Variants in TBC1D12 observed in about 807,000 individuals in gnomAD.
TBC1D12 encodes TBC1 domain family member 12, also known as TBC1 domain family, member 12.
TBC1D12 carries 56 observed loss-of-function variants against 86.7 expected under a neutral mutation model. The observed-to-expected ratio is 0.65, with a 90% CI of 0.52 to 0.81. The LOEUF (loss-of-function observed/expected upper bound fraction) is 0.81. Among genes scored for constraint, TBC1D12 ranks in the 30% least tolerant of loss-of-function variants. TBC1D12 has a pLI of 0.00. For missense variants in TBC1D12, 1,023 were observed against 1,038.8 expected (o/e 0.98, Z 0.21); for synonymous variants, 421 against 411.7 (o/e 1.02, Z -0.27).
chr10:94,480,685 C>T lies in TBC1D12; in HGVS notation c.1211+5902C>T, dbSNP rs559918257. On this transcript the variant is annotated intron_variant, in intron 3 of 12. Transcript: ENST00000225235. ...TGGGCAACACAGCAAAACCTTGTCT[C>T]TACAAAAAAAATATATATATATGTT... is the stretch of plus-strand genomic sequence containing the variant. Among the ~76,000 whole-genome samples the T allele has an allele frequency of 5.4e-4, 82 of 150,528 alleles. No homozygotes were observed. In the Middle Eastern group the frequency reaches 0.017, roughly 32 times the overall value.
intron 5 of TBC1D12, among the ~76,000 whole-genome samples, chr10:94,498,442 G>T (rs989738753): frequency 1.3e-5 from 2 of 151,732 alleles, no homozygotes; most frequent in African/African-American, 4.8e-5. Flanking sequence ...AGGGTGATTT[G>T]TTTTTTTGTT....
chr10:94,435,403 G>A (rs953374161), intron 1 of TBC1D12, among the ~76,000 whole-genome samples: 3 of 152,164 alleles, frequency 2.0e-5, no homozygotes, highest in African/African-American at 7.2e-5. Flanking sequence ...TTTATATACA[G>A]TGGTCAATAC....
chr10:94,459,635 C>T (rs2055692846), intron 2 of TBC1D12, among the ~76,000 whole-genome samples: 1 of 152,236 alleles, frequency 6.6e-6, no homozygotes, highest in South Asian at 2.1e-4. Context: ...GGTCCTGAGC[C>T]CTGCCCCGTG....
At chr10:94,494,531 T>G (rs1274817918) in intron 4 of TBC1D12, among the ~76,000 whole-genome samples, 1 of 152,126 alleles carries the variant, frequency 6.6e-6, no homozygotes, top group Non-Finnish European at 1.5e-5. Flanking sequence ...AATTAAGTAT[T>G]TATCTATTTA....
At chr10:94,407,242 C>T (rs2054866696) in intron 1 of TBC1D12, among the ~76,000 whole-genome samples, 1 of 152,176 alleles carries the variant, frequency 6.6e-6, no homozygotes, top group African/African-American at 2.4e-5. Flanking sequence ...CTTTCCTTCC[C>T]TTCCACATGA....
intron 1 of TBC1D12, among the ~76,000 whole-genome samples, chr10:94,427,946 A>T (rs756556158): frequency 1.3e-5 from 2 of 152,214 alleles, no homozygotes; most frequent in South Asian, 4.1e-4. Context: ...ACTTGCTAAC[A>T]TGAGTACACT....
Position 94,534,859 on chromosome 10 carries a change from G to A in TBC1D12, c.*1763G>A, listed in dbSNP as rs1842514174. On this transcript the variant is annotated 3_prime_UTR_variant, in exon 13 of 13. Transcript: ENST00000225235. ...GCCTGGCTTAACTGCTGAAAATAGA[G>A]CATTGAAACTCTTCACAATGTGCTG... is the stretch of plus-strand genomic sequence containing the variant. 6.6e-6 allele frequency: 1 copy of A among 152,146 alleles called. No individual in the cohort carries two copies. Among genetic ancestry groups the A allele is most frequent in the South Asian group, 2.1e-4 (1 of 4,824 alleles). 9.4% of individuals were successfully genotyped at this position (152,146 alleles called of 1,614,324 possible).
chr10:94,505,393 A>G (rs1266597322), intron 6 of TBC1D12, among the ~76,000 whole-genome samples: 1 of 152,166 alleles, frequency 6.6e-6, no homozygotes, highest in Non-Finnish European at 1.5e-5. Context: ...AGCCTGGCCA[A>G]CATGGTGAAA....
chr10:94,429,146 A>G (rs535503340), intron 1 of TBC1D12, among the ~76,000 whole-genome samples: 3 of 151,852 alleles, frequency 2.0e-5, no homozygotes, highest in Admixed American at 6.6e-5. Context: ...AATATTATTT[A>G]TTACTTGAAA....
intron 6 of TBC1D12, among the ~76,000 whole-genome samples, chr10:94,502,733 C>G (rs1412244881): frequency 6.6e-6 from 1 of 152,122 alleles, no homozygotes; most frequent in Non-Finnish European, 1.5e-5. Context: ...CTAAATTGGT[C>G]TAAATGATAA....
chr10:94,459,507 C>T (rs2055689575), intron 2 of TBC1D12, among the ~76,000 whole-genome samples: 1 of 152,246 alleles, frequency 6.6e-6, no homozygotes, highest in African/African-American at 2.4e-5. Flanking sequence ...TTCCTCAGCC[C>T]TTGGATGGTA....
chr10:94,451,797 A>G (rs2055552929), intron 2 of TBC1D12, among the ~76,000 whole-genome samples: 1 of 152,074 alleles, frequency 6.6e-6, no homozygotes, highest in African/African-American at 2.4e-5. Flanking sequence ...TGTATGGAAG[A>G]CAGTTTGAAG....
chr10:94,404,507 G>A (rs1367099713), intron 1 of TBC1D12, among the ~76,000 whole-genome samples: 3 of 151,746 alleles, frequency 2.0e-5, no homozygotes, highest in Non-Finnish European at 4.4e-5. Context: ...TTAGCCAGGC[G>A]TGGTGGCAGG....
chr10:94,482,100 ACC>A (rs1379836497), intron 3 of TBC1D12, among the ~76,000 whole-genome samples: 3 of 152,154 alleles, frequency 2.0e-5, no homozygotes, highest in Non-Finnish European at 4.4e-5. Flanking sequence ...TTATTTTATC[ACC>A]CAGGAATTAA....
intron 3 of TBC1D12, among the ~76,000 whole-genome samples, chr10:94,483,374 C>T (rs1022526187): frequency 7.9e-5 from 12 of 152,136 alleles, no homozygotes; most frequent in African/African-American, 2.9e-4. Flanking sequence ...TTTCCATTAC[C>T]ACCAACAGTG....
intron 1 of TBC1D12, among the ~76,000 whole-genome samples, chr10:94,439,860 T>G (rs1337064753): frequency 6.6e-6 from 1 of 152,244 alleles, no homozygotes; most frequent in African/African-American, 2.4e-5. Flanking sequence ...ATAAATAAGA[T>G]GTAGACATTT....
chr10:94,497,401 A>G (rs1033522656), intron 5 of TBC1D12, among the ~76,000 whole-genome samples: 1 of 152,054 alleles, frequency 6.6e-6, no homozygotes, highest in African/African-American at 2.4e-5. Context: ...GCTAAATTAT[A>G]CTATTAATTA....
chr10:94,436,240 AT>A (rs781179544), intron 1 of TBC1D12, among the ~76,000 whole-genome samples: 2 of 150,740 alleles, frequency 1.3e-5, no homozygotes, highest in Non-Finnish European at 2.9e-5. Flanking sequence ...GGTTCAGTTG[AT>A]TCTCCTGCCT....
intron 1 of TBC1D12, among the ~76,000 whole-genome samples, chr10:94,414,188 G>T (rs1279729923): frequency 2.0e-5 from 3 of 152,110 alleles, no homozygotes; most frequent in African/African-American, 7.2e-5. Flanking sequence ...GTAAGAAGAT[G>T]ATAAAGAAGA....
Sources: allele counts gnomAD v4.1 joint callset (sites outside exome capture counted in the v4.1 genomes callset), GRCh38; gene constraint gnomAD v4.1.1; transcripts MANE v1.5; gene names NCBI Gene and HGNC (gene_info 2026-07-23, HGNC 2026-07-21).